LRBA: variants seen among roughly 807,000 people sequenced by gnomAD.
LRBA encodes the protein LPS responsive beige-like anchor protein.
In LRBA, 176 loss-of-function variants were observed where a neutral mutation model predicts 330.0. The observed-to-expected ratio is 0.53, with a 90% CI of 0.47 to 0.60. The LOEUF (loss-of-function observed/expected upper bound fraction) is 0.60. LRBA is among the 20% of genes least tolerant of loss of function. The pLI, the probability that LRBA is intolerant of heterozygous loss-of-function variation, is 0.00. For synonymous variants in LRBA, 1,230 were observed against 1,193.0 expected, an observed-to-expected ratio of 1.03 and a Z score of -0.64; for missense variants, 3,259 against 3,444.8, an observed-to-expected ratio of 0.95 and a Z score of 1.35.
At chr4:150,416,709 T>A (rs898688276) in intron 46 of LRBA, among the ~76,000 whole-genome samples, 5 of 151,774 alleles carry the variant, frequency 3.3e-5, no homozygotes, top group Non-Finnish European at 7.4e-5. Context: ...AATTTTAAGA[T>A]TCTCATCTTC....
intron 40 of LRBA, among the ~76,000 whole-genome samples, chr4:150,561,976 TTCTA>T (rs770451526): frequency 2.2e-4 from 34 of 152,252 alleles, no homozygotes; most frequent in Non-Finnish European, 3.7e-4. Flanking sequence ...AACAGAGATG[TTCTA>T]TCTATTATCT....
intron 47 of LRBA, among the ~76,000 whole-genome samples, chr4:150,382,699 G>A (rs6823402): frequency 0.022 from 3,398 of 151,682 alleles, 121 homozygotes; most frequent in African/African-American, 0.076. Context: ...CTTTTTCAAG[G>A]CAAACTAAAC....
chr4:150,354,670 C>A (rs1306061579), intron 47 of LRBA, among the ~76,000 whole-genome samples: 1 of 151,820 alleles, frequency 6.6e-6, no homozygotes, highest in Non-Finnish European at 1.5e-5. Context: ...AATGTTCAAT[C>A]CAATCCAGGG....
At chr4:150,533,175 T>A (rs1403091193) in intron 40 of LRBA, among the ~76,000 whole-genome samples, 1 of 152,124 alleles carries the variant, frequency 6.6e-6, no homozygotes, top group Non-Finnish European at 1.5e-5. Context: ...ACCCATCTTT[T>A]TTTGTTTGTT....
rs776929944 is a variant in LRBA, at chr4:150,583,727, A to C, written c.6330+4321T>G. 6.2e-7 allele frequency: 1 copy of C among 1,613,488 alleles called. No homozygotes were observed. Among genetic ancestry groups the C allele is most frequent in the East Asian group, 2.2e-5 (1 of 44,840 alleles). ...GCAGAGAGCGACGCCTGGGTGCTAC[A>C]GTTCGGGGAGGCGGAGAACCGCCTG... On this transcript the variant is annotated intron_variant, in intron 40 of 56. Coordinates refer to ENST00000651943, the MANE Select transcript of LRBA (RefSeq NM_001364905.1). The surrounding 1 kb of genome is among the most constrained non-coding windows in gnomAD (Gnocchi z 9.8).
chr4:150,932,956 A>G (rs1435521272), intron 2 of LRBA, among the ~76,000 whole-genome samples: 10 of 152,130 alleles, frequency 6.6e-5, no homozygotes, highest in Non-Finnish European at 1.5e-4. Context: ...CAATTTGGTA[A>G]TATCTATCAA....
intron 36 of LRBA, among the ~76,000 whole-genome samples, chr4:150,684,628 T>C (rs1042305448): frequency 6.6e-6 from 1 of 152,206 alleles, no homozygotes. Context: ...GGAATTCGGA[T>C]ACTTGTGGTG....
chr4:150,740,840 G>C (rs898422201), intron 35 of LRBA, among the ~76,000 whole-genome samples: 3 of 151,998 alleles, frequency 2.0e-5, no homozygotes, highest in Non-Finnish European at 2.9e-5. Context: ...AAACAAACAA[G>C]AATACATGAG....
intron 42 of LRBA, among the ~76,000 whole-genome samples, 171 bp from the exon 43 acceptor site, chr4:150,471,910 T>A (rs1177473998): frequency 6.6e-6 from 1 of 152,100 alleles, no homozygotes; most frequent in African/African-American, 2.4e-5. Context: ...AACAAATGAT[T>A]TAGACTAGCC....
intron 2 of LRBA, among the ~76,000 whole-genome samples, chr4:150,939,910 A>G (rs1204815461): frequency 6.6e-6 from 1 of 152,216 alleles, no homozygotes; most frequent in Non-Finnish European, 1.5e-5. Context: ...CTAACAGGCC[A>G]GACTTCACCA....
chr4:150,971,846 G>A (rs1427962808), intron 2 of LRBA, among the ~76,000 whole-genome samples: 4 of 152,070 alleles, frequency 2.6e-5, no homozygotes, highest in Admixed American at 2.6e-4. Context: ...TTGTGTTAAA[G>A]AAAGAAGGTA....
intron 47 of LRBA, among the ~76,000 whole-genome samples, chr4:150,398,290 T>C (rs2151921936): frequency 6.6e-6 from 1 of 152,262 alleles, no homozygotes; most frequent in East Asian, 1.9e-4. Flanking sequence ...AGTAAAACAC[T>C]TTCAAAGAAA....
At chr4:150,677,282 T>C (rs1268089282) in intron 37 of LRBA, among the ~76,000 whole-genome samples, 1 of 151,982 alleles carries the variant, frequency 6.6e-6, no homozygotes, top group African/African-American at 2.4e-5. Context: ...GCAATATAAA[T>C]TGATTATAAA....
intron 40 of LRBA, among the ~76,000 whole-genome samples, chr4:150,515,311 C>T (rs1265916560): frequency 1.3e-5 from 2 of 152,088 alleles, no homozygotes; most frequent in African/African-American, 2.4e-5. Context: ...GAAAACATTG[C>T]ATCATCATTT....
chr4:151,008,089 T>C (rs1373767079), intron 2 of LRBA, among the ~76,000 whole-genome samples: 1 of 151,910 alleles, frequency 6.6e-6, no homozygotes, highest in Non-Finnish European at 1.5e-5. Context: ...CTTTTTTTTT[T>C]TTCTTTTTGA....
At chr4:150,774,967 A>G (rs1302962079) in intron 34 of LRBA, among the ~76,000 whole-genome samples, 6 of 152,172 alleles carry the variant, frequency 3.9e-5, no homozygotes, top group Non-Finnish European at 5.9e-5. Flanking sequence ...CAATTCACCA[A>G]TGTCATAGAT....
intron 47 of LRBA, among the ~76,000 whole-genome samples, chr4:150,370,570 T>C (rs950146507): frequency 1.3e-5 from 2 of 152,184 alleles, no homozygotes; most frequent in African/African-American, 4.8e-5. Context: ...AAGGAATTTT[T>C]AGGACAGTAA....
At chr4:150,369,367 A>C (rs1004940277) in intron 47 of LRBA, among the ~76,000 whole-genome samples, 100 of 152,250 alleles carry the variant, frequency 6.6e-4, no homozygotes, top group African/African-American at 2.4e-3. Flanking sequence ...AGTGGTGCTA[A>C]CCTGATATAA....
intron 2 of LRBA, among the ~76,000 whole-genome samples, chr4:150,963,451 T>TGCCGGGATTGCA (rs1463964268): frequency 6.7e-6 from 1 of 149,590 alleles, no homozygotes; most frequent in Non-Finnish European, 1.5e-5. Flanking sequence ...CCTCCTGAGG[T>TGCCGGGATTGCA]GCCGGGATTG....
Sources: gnomAD v4.1 joint callset for allele counts (sites outside exome capture counted in the v4.1 genomes callset) on GRCh38, gnomAD v4.1.1 for gene constraint, Gnocchi (gnomAD v3.1) non-coding constraint, MANE v1.5 for transcripts, NCBI Gene and HGNC (gene_info 2026-07-23, HGNC 2026-07-21) for gene names.